The following DNM3 variants were observed in gnomAD, a reference collection of about 807,000 sequenced individuals.
DNM3 encodes the protein dynamin 3.
In DNM3, 47 loss-of-function variants were observed where a neutral mutation model predicts 101.6. The ratio of observed to expected loss-of-function variants is 0.46; its 90% CI spans 0.37 to 0.59. The LOEUF (loss-of-function observed/expected upper bound fraction) is 0.59, where lower values mean the gene tolerates loss of function less well. Ranked by LOEUF, DNM3 falls within the 20% of genes least tolerant of loss-of-function variation. The pLI is 0.00. For missense variants in DNM3, 849 were observed against 1,085.7 expected, an observed-to-expected ratio of 0.78 and a Z score of 3.06; for synonymous variants, 385 against 387.9, an observed-to-expected ratio of 0.99 and a Z score of 0.09.
intron 1 of DNM3, among the ~76,000 whole-genome samples, chr1:171,920,928 T>G (rs2040107852): frequency 6.6e-6 from 1 of 152,198 alleles, no homozygotes; most frequent in Non-Finnish European, 1.5e-5. Flanking sequence ...CCACATTTTA[T>G]GTGTCCTTTT....
chr1:171,988,162 A>G (rs1234986031), intron 3 of DNM3, among the ~76,000 whole-genome samples: 1 of 152,178 alleles, frequency 6.6e-6, no homozygotes, highest in African/African-American at 2.4e-5. Context: ...TCTTGCAGCC[A>G]TATATAGTCC....
intron 4 of DNM3, among the ~76,000 whole-genome samples, chr1:171,992,615 T>C (rs1170961213): frequency 6.6e-6 from 1 of 152,174 alleles, no homozygotes; most frequent in Non-Finnish European, 1.5e-5. Context: ...TGTGGATCAT[T>C]AGAACTGCTG....
intron 15 of DNM3, among the ~76,000 whole-genome samples, chr1:172,307,574 C>T (rs1240662698): frequency 6.6e-6 from 1 of 152,142 alleles, no homozygotes; most frequent in East Asian, 1.9e-4. Context: ...CACACGCACA[C>T]GTATGTTTAT....
At chr1:171,863,943 G>C (rs72713714) in intron 1 of DNM3, among the ~76,000 whole-genome samples, 17,603 of 152,226 alleles carry the variant, frequency 0.12, 1,173 homozygotes, top group East Asian at 0.14. Flanking sequence ...TTTGAACACA[G>C]AAGAATTATC....
At chr1:172,275,136 A>G (rs1180462029) in intron 15 of DNM3, among the ~76,000 whole-genome samples, 2 of 152,078 alleles carry the variant, frequency 1.3e-5, no homozygotes, top group Non-Finnish European at 2.9e-5. Flanking sequence ...AGAATTAGTT[A>G]TGGTAGTGTG....
chr1:172,218,516 A>T (rs1293983127), intron 14 of DNM3, among the ~76,000 whole-genome samples: 2 of 152,094 alleles, frequency 1.3e-5, no homozygotes, highest in African/African-American at 2.4e-5. Context: ...CACTAATATG[A>T]TGTTATTTAC....
At chr1:171,867,738 C>T (rs1422621124) in intron 1 of DNM3, among the ~76,000 whole-genome samples, 2 of 152,086 alleles carry the variant, frequency 1.3e-5, no homozygotes, top group South Asian at 4.1e-4. Context: ...AAAGAACATC[C>T]CCATCATCCT....
At chr1:172,213,905 T>G (rs1202434245) in intron 14 of DNM3, among the ~76,000 whole-genome samples, 1 of 152,074 alleles carries the variant, frequency 6.6e-6, no homozygotes, top group Admixed American at 6.6e-5. Flanking sequence ...TTTAACAATT[T>G]TTAAACAAAA....
chr1:172,196,077 G>A (rs1399336527), intron 14 of DNM3, among the ~76,000 whole-genome samples: 1 of 151,242 alleles, frequency 6.6e-6, no homozygotes, highest in African/African-American at 2.4e-5. Flanking sequence ...CCCTCAAGTA[G>A]ACCCAGTGTC....
At chr1:171,914,278 C>T (rs1005511715) in intron 1 of DNM3, among the ~76,000 whole-genome samples, 6 of 152,154 alleles carry the variant, frequency 3.9e-5, no homozygotes, top group Admixed American at 2.6e-4. Flanking sequence ...CTATCTCAGC[C>T]TCCCGAGTAG....
At chr1:172,127,953 C>G (rs1402965589) in intron 13 of DNM3, among the ~76,000 whole-genome samples, 1 of 152,126 alleles carries the variant, frequency 6.6e-6, no homozygotes, top group Non-Finnish European at 1.5e-5. Flanking sequence ...CTTGTCCCAC[C>G]ACCACACTGG....
At chr1:172,150,418 A>G (rs1211618263) in intron 14 of DNM3, among the ~76,000 whole-genome samples, 1 of 152,178 alleles carries the variant, frequency 6.6e-6, no homozygotes, top group Non-Finnish European at 1.5e-5. Flanking sequence ...ATTCAGTGCC[A>G]TTTCACTGCC....
intron 2 of DNM3, among the ~76,000 whole-genome samples, chr1:171,986,839 T>C (rs1391601628): frequency 6.6e-6 from 1 of 152,188 alleles, no homozygotes; most frequent in Non-Finnish European, 1.5e-5. Flanking sequence ...TGTTTCTTTG[T>C]TAGATTTATA....
chr1:171,917,485 A>G (rs1288541258), intron 1 of DNM3, among the ~76,000 whole-genome samples: 2 of 152,210 alleles, frequency 1.3e-5, no homozygotes, highest in African/African-American at 2.4e-5. Flanking sequence ...TCAGGAAGCC[A>G]TGAAAGAGCA....
intron 10 of DNM3, among the ~76,000 whole-genome samples, chr1:172,059,066 C>A (rs1469599674): frequency 1.3e-5 from 2 of 151,938 alleles, no homozygotes; most frequent in Non-Finnish European, 2.9e-5. Flanking sequence ...ACTACAAACA[C>A]CTCTACGCAA....
chr1:172,328,868 C>T (rs1218670571), intron 17 of DNM3, among the ~76,000 whole-genome samples: 1 of 152,076 alleles, frequency 6.6e-6, no homozygotes, highest in Non-Finnish European at 1.5e-5. Context: ...CTTTTAGAGA[C>T]AGGGTCTCGC....
At chr1:172,239,953 A>G (rs2061689823) in intron 14 of DNM3, among the ~76,000 whole-genome samples, 1 of 151,548 alleles carries the variant, frequency 6.6e-6, no homozygotes, top group South Asian at 2.1e-4. Flanking sequence ...TGCACAGACC[A>G]CCAGCTGTGC....
At chr1:172,401,494 G>A (rs1467676917) in intron 20 of DNM3, among the ~76,000 whole-genome samples, 1 of 152,162 alleles carries the variant, frequency 6.6e-6, no homozygotes. Context: ...TCAAAAAATT[G>A]TGAACTATTT....
chr1:172,255,267 T>C (rs1477523166), intron 15 of DNM3, among the ~76,000 whole-genome samples: 1 of 152,126 alleles, frequency 6.6e-6, no homozygotes, highest in Non-Finnish European at 1.5e-5. Flanking sequence ...TAAAAAGGTT[T>C]TCTAGAGAGA....
Sources: gnomAD v4.1 joint callset for allele counts (sites outside exome capture counted in the v4.1 genomes callset) on GRCh38, gnomAD v4.1.1 for gene constraint, MANE v1.5 for transcripts, NCBI Gene and HGNC (gene_info 2026-07-23, HGNC 2026-07-21) for gene names.